Variants in TCF12 observed in about 807,000 individuals in gnomAD.
The protein encoded by TCF12 is transcription factor 12.
Under a neutral mutation model 86.0 loss-of-function variants are expected in TCF12, and 45 were observed. That is an observed-to-expected ratio of 0.52 (90% CI 0.41 to 0.67). The LOEUF is 0.67. TCF12 is among the 30% of genes least tolerant of loss of function. The pLI, the probability that TCF12 is intolerant of heterozygous loss-of-function variation, is 0.00. For missense variants in TCF12, 881 were observed against 859.9 expected (o/e 1.02, Z -0.31); for synonymous variants, 330 against 299.6 (o/e 1.10, Z -1.05).
At chr15:57,195,554 A>G (rs2057215679) in intron 7 of TCF12, among the ~76,000 whole-genome samples, 1 of 152,190 alleles carries the variant, frequency 6.6e-6, no homozygotes, top group Non-Finnish European at 1.5e-5. Context: ...TTCTGTTTTA[A>G]GGAAATATAG....
At chr15:56,949,865 C>A (rs2061185515) in intron 3 of TCF12, among the ~76,000 whole-genome samples, 1 of 152,072 alleles carries the variant, frequency 6.6e-6, no homozygotes, top group Admixed American at 6.6e-5. Flanking sequence ...AGAATTGGTG[C>A]ATGTTTTGCT....
chr15:56,954,993 C>T (rs1398979147), intron 3 of TCF12, among the ~76,000 whole-genome samples: 4 of 152,114 alleles, frequency 2.6e-5, no homozygotes, highest in Non-Finnish European at 4.4e-5. Flanking sequence ...GACAGTGTGG[C>T]GATCCCTCAA....
intron 3 of TCF12, among the ~76,000 whole-genome samples, chr15:56,962,026 GA>G (rs1567170729): frequency 6.6e-6 from 1 of 151,132 alleles, no homozygotes. Context: ...CAGCTACTCG[GA>G]GAGGCTGAGG....
At chr15:57,268,993 A>G (rs2060998140) in intron 18 of TCF12, among the ~76,000 whole-genome samples, 2 of 152,170 alleles carry the variant, frequency 1.3e-5, no homozygotes, top group Admixed American at 6.5e-5. Context: ...AGAAGAGTGT[A>G]TATTCTGTTG....
chr15:57,203,257 A>C (rs997369817), intron 8 of TCF12, among the ~76,000 whole-genome samples: 11 of 152,132 alleles, frequency 7.2e-5, no homozygotes, highest in Non-Finnish European at 1.5e-5. Context: ...AGGAGTCGAC[A>C]CTTTTTTTTT....
chr15:57,284,843 A>G (rs2061865820), intron 20 of TCF12, among the ~76,000 whole-genome samples: 2 of 152,046 alleles, frequency 1.3e-5, no homozygotes, highest in South Asian at 2.1e-4. Context: ...CTACTTCTCT[A>G]TTTCATACTG....
intron 3 of TCF12, among the ~76,000 whole-genome samples, chr15:56,941,434 G>A (rs1595775814): frequency 6.6e-6 from 1 of 150,766 alleles, no homozygotes; most frequent in Non-Finnish European, 1.5e-5. Context: ...GTACAGTGGT[G>A]TGATCTTGGC....
rs577965419 is a variant in TCF12 at position 56,969,877 on chromosome 15, C to G, written c.148+48779C>G. Reference sequence around the variant, plus strand: ...AGATCAGAAGACTGTGTATGCAGTTCAGCATTTAGAAGTTGGGGTGATGAG... The same window carrying G: ...AGATCAGAAGACTGTGTATGCAGTTGAGCATTTAGAAGTTGGGGTGATGAG... On this transcript the variant is annotated intron_variant, in intron 3 of 20. Transcript: ENST00000333725. 7.2e-5 allele frequency among the ~76,000 whole-genome samples: 11 copies of G among 152,158 alleles called. No homozygotes were observed. The East Asian group carries it at 2.1e-3, about 29-fold the overall frequency.
intron 3 of TCF12, among the ~76,000 whole-genome samples, chr15:57,062,208 G>A (rs999823472): frequency 1.3e-5 from 2 of 152,020 alleles, no homozygotes; most frequent in South Asian, 4.2e-4. Flanking sequence ...TGCCCGCCTC[G>A]GCCTCCCAAA....
intron 3 of TCF12, among the ~76,000 whole-genome samples, chr15:56,937,044 G>T (rs1298167327): frequency 2.0e-5 from 3 of 152,120 alleles, no homozygotes; most frequent in Non-Finnish European, 4.4e-5. Context: ...CATTGAATTT[G>T]TGGATTGCTT....
intron 13 of TCF12, 43 bp downstream of exon 13, chr15:57,243,593 G>A: frequency 2.0e-6 from 3 of 1,466,624 alleles, no homozygotes; most frequent in African/African-American, 1.4e-5. Flanking sequence ...GGGACTACTT[G>A]GAAATATTTC....
chr15:57,210,451 C>T (rs551938848), intron 8 of TCF12, among the ~76,000 whole-genome samples: 64 of 152,084 alleles, frequency 4.2e-4, no homozygotes, highest in Non-Finnish European at 7.2e-4. Context: ...TCCAGGTTTT[C>T]ATCAGAAAAC....
chr15:57,109,309 A>G (rs1336999539), intron 5 of TCF12: 1 of 152,148 alleles, frequency 6.6e-6, no homozygotes, highest in South Asian at 2.1e-4. Flanking sequence ...GATGTCAGCT[A>G]TTGTAAAGGT....
intron 4 of TCF12, among the ~76,000 whole-genome samples, chr15:57,083,025 T>G (rs2048408134): frequency 6.6e-6 from 1 of 152,200 alleles, no homozygotes; most frequent in Admixed American, 6.5e-5. Flanking sequence ...ATCAGTCTTA[T>G]ATATTGAATG....
intron 7 of TCF12, among the ~76,000 whole-genome samples, chr15:57,193,826 T>G (rs1275245369): frequency 2.0e-5 from 3 of 152,206 alleles, no homozygotes; most frequent in African/African-American, 7.2e-5. Flanking sequence ...TGATTAGATG[T>G]GTCCACTTCT....
intron 3 of TCF12, among the ~76,000 whole-genome samples, chr15:56,984,000 T>TAAAAAAAAAAAA (rs1595962155): frequency 2.7e-4 from 1 of 3,748 alleles, no homozygotes. Flanking sequence ...AGACCCTGTC[T>TAAAAAAAAAAAA]CAAAAAAAAA....
At chr15:57,142,404 T>C (rs1238183825) in intron 5 of TCF12, among the ~76,000 whole-genome samples, 4 of 130,246 alleles carry the variant, frequency 3.1e-5, no homozygotes, top group East Asian at 4.4e-4. Flanking sequence ...CTGTGTTCAC[T>C]CATAGAGCCT....
chr15:56,932,943 A>G (rs1298921700), intron 3 of TCF12, among the ~76,000 whole-genome samples: 1 of 152,236 alleles, frequency 6.6e-6, no homozygotes, highest in East Asian at 1.9e-4. Context: ...GACATTAAAT[A>G]TAAATAGCTA....
intron 5 of TCF12, 164 bp downstream of exon 5, chr15:57,092,055 G>A (rs936429982): frequency 2.0e-6 from 1 of 499,994 alleles, no homozygotes; most frequent in Non-Finnish European, 3.5e-6. Flanking sequence ...AGGATCAAAT[G>A]TCCAGAAAAT....
Sources: allele counts gnomAD v4.1 joint callset (sites outside exome capture counted in the v4.1 genomes callset), GRCh38; gene constraint gnomAD v4.1.1; transcripts MANE v1.5; gene names NCBI Gene and HGNC (gene_info 2026-07-23, HGNC 2026-07-21).